Variants in NEGR1 observed in about 807,000 individuals in gnomAD.
NEGR1 encodes the protein neuronal growth regulator 1.
A neutral mutation model predicts 40.9 loss-of-function variants in NEGR1; 10 were observed. That is an observed-to-expected ratio of 0.24 (90% CI 0.15 to 0.42). The LOEUF (loss-of-function observed/expected upper bound fraction) is 0.42, where lower values mean the gene tolerates loss of function less well. Ranked by LOEUF, NEGR1 falls within the 10% of genes least tolerant of loss-of-function variation. The probability of loss-of-function intolerance (pLI) is 1.00; values close to 1 mark genes in which losing one functional copy is unlikely to be tolerated. For synonymous variants in NEGR1, 185 were observed against 166.8 expected (o/e 1.11, Z -0.84); for missense variants, 352 against 438.9 (o/e 0.80, Z 1.77).
intron 6 of NEGR1, among the ~76,000 whole-genome samples, chr1:71,559,510 C>T (rs568598012): frequency 2.0e-5 from 3 of 151,590 alleles, no homozygotes; most frequent in East Asian, 2.0e-4. Flanking sequence ...CATAGAATAA[C>T]GTTCTCTTTT....
intron 1 of NEGR1, among the ~76,000 whole-genome samples, chr1:72,264,874 A>G (rs920059111): frequency 3.0e-4 from 45 of 150,756 alleles, no homozygotes; most frequent in Non-Finnish European, 5.4e-4. Context: ...AATGTACCAA[A>G]GTTTAAGTTT....
chr1:72,007,250 T>C (rs1196076848), intron 1 of NEGR1, among the ~76,000 whole-genome samples: 2 of 152,146 alleles, frequency 1.3e-5, no homozygotes, highest in African/African-American at 4.8e-5. Context: ...CATTTTTAAT[T>C]TTCTTCTATC....
intron 1 of NEGR1, among the ~76,000 whole-genome samples, chr1:71,977,710 T>C (rs1237184018): frequency 1.4e-5 from 2 of 145,114 alleles, no homozygotes; most frequent in African/African-American, 5.2e-5. Context: ...TTTAAAAGAA[T>C]ATTTTCCTTT....
intron 3 of NEGR1, among the ~76,000 whole-genome samples, chr1:71,725,422 G>C (rs907102875): frequency 6.6e-6 from 1 of 152,026 alleles, no homozygotes; most frequent in Non-Finnish European, 1.5e-5. Context: ...ATGCTGATAA[G>C]AGTTAAGGAA....
intron 3 of NEGR1, among the ~76,000 whole-genome samples, chr1:71,700,337 A>G (rs1368979865): frequency 6.6e-6 from 1 of 151,944 alleles, no homozygotes; most frequent in Non-Finnish European, 1.5e-5. Context: ...AAAAACCTAC[A>G]TGCCTTATTT....
intron 1 of NEGR1, among the ~76,000 whole-genome samples, chr1:72,259,060 T>C (rs1655369251): frequency 6.6e-6 from 1 of 152,158 alleles, no homozygotes; most frequent in African/African-American, 2.4e-5. Context: ...ATTTTAAAAT[T>C]ATTTTTGTTC....
At position 71,814,922 on chromosome 1, in the gene NEGR1, C is replaced by G. The variant is rs78035966; in HGVS notation, c.410-38625G>C. Among the ~76,000 whole-genome samples, 413 of 152,116 alleles carry G rather than the reference C, an allele frequency of 2.7e-3. 3 individuals are homozygous for G. The highest frequency in any genetic ancestry group is 9.2e-3 in the African/African-American group (381 of 41,540). On this transcript the variant is annotated intron_variant, in intron 2 of 6. Transcript: ENST00000357731. ...CTTTCTCCTTCAGTTCCACTCTGAT[C>G]TTGGTTACTTCTTGTCTTCTGCTAG...
chr1:71,764,945 T>C (rs1232631110), intron 3 of NEGR1, among the ~76,000 whole-genome samples: 4 of 151,932 alleles, frequency 2.6e-5, no homozygotes, highest in African/African-American at 9.7e-5. Flanking sequence ...GAAAAGTGGA[T>C]TTCATACAAA....
At chr1:72,166,025 A>G (rs1272572022) in intron 1 of NEGR1, among the ~76,000 whole-genome samples, 1 of 152,068 alleles carries the variant, frequency 6.6e-6, no homozygotes, top group Non-Finnish European at 1.5e-5. Flanking sequence ...AGGGCAATGT[A>G]TAGGTAGAAT....
At chr1:72,182,992 C>T (rs1652444256) in intron 1 of NEGR1, among the ~76,000 whole-genome samples, 1 of 152,004 alleles carries the variant, frequency 6.6e-6, no homozygotes, top group African/African-American at 2.4e-5. Flanking sequence ...AGAAGTCATT[C>T]ATCTAAGTAC....
rs1037336706 is a variant in NEGR1, at chr1:72,098,934, T to C, written c.177-163623A>G. Among the ~76,000 whole-genome samples the C allele has an allele frequency of 9.2e-5, 14 of 151,986 alleles. No homozygotes were observed. In the East Asian group the frequency reaches 2.7e-3, roughly 29 times the overall value. On this transcript the variant is annotated intron_variant, in intron 1 of 6. Coordinates refer to ENST00000357731, the MANE Select transcript of NEGR1 (RefSeq NM_173808.3). The stretch of plus-strand genomic sequence containing the variant: ...AAAAAATAAAACTAAAATAAACTTT[T>C]GAGTATGATTAAGCTTATTAACAGA...
rs184050322 is a variant in NEGR1, at chr1:72,073,811, A to T, written c.177-138500T>A. Reference sequence around the variant, plus strand: ...TAAATCATTTTTTTTCCAAAAAAAAATAAAAAACAAGAAGAGACATAAGAA... The same window carrying T: ...TAAATCATTTTTTTTCCAAAAAAAATTAAAAAACAAGAAGAGACATAAGAA... On this transcript the variant is annotated intron_variant, in intron 1 of 6. Coordinates refer to ENST00000357731, the MANE Select transcript of NEGR1 (RefSeq NM_173808.3). Among the ~76,000 whole-genome samples, 882 of 152,122 alleles carry T rather than the reference A, an allele frequency of 5.8e-3. 5 individuals are homozygous for T. The highest frequency in any genetic ancestry group is 0.02 in the African/African-American group (842 of 41,558).
chr1:72,163,622 T>C (rs919388031), intron 1 of NEGR1, among the ~76,000 whole-genome samples: 1 of 152,038 alleles, frequency 6.6e-6, no homozygotes, highest in Non-Finnish European at 1.5e-5. Flanking sequence ...GGTGCCTCCA[T>C]ATAGAAGCCA....
chr1:71,825,475 T>C (rs866714741), intron 2 of NEGR1, among the ~76,000 whole-genome samples: 1 of 151,912 alleles, frequency 6.6e-6, no homozygotes, highest in African/African-American at 2.4e-5. Context: ...AACCACTGGA[T>C]TATGCTCCAG....
chr1:71,592,393 G>A (rs1266100209), intron 6 of NEGR1, among the ~76,000 whole-genome samples: 1 of 151,940 alleles, frequency 6.6e-6, no homozygotes, highest in African/African-American at 2.4e-5. Flanking sequence ...TATGGCTTGT[G>A]AAATTCTGGC....
At chr1:71,706,339 C>T (rs1653899648) in intron 3 of NEGR1, among the ~76,000 whole-genome samples, 1 of 152,106 alleles carries the variant, frequency 6.6e-6, no homozygotes, top group Admixed American at 6.5e-5. Flanking sequence ...AATTTGAGTG[C>T]CTGCAGACCC....
At chr1:71,415,367 C>T (rs1031353371) in intron 6 of NEGR1, among the ~76,000 whole-genome samples, 3 of 151,920 alleles carry the variant, frequency 2.0e-5, no homozygotes, top group Non-Finnish European at 4.4e-5. Flanking sequence ...TTTCTCTGGC[C>T]GACCAGCATC....
chr1:71,601,984 T>C (rs1050761559), intron 5 of NEGR1, among the ~76,000 whole-genome samples: 5 of 152,064 alleles, frequency 3.3e-5, no homozygotes, highest in African/African-American at 7.2e-5. Context: ...TAAATTAAAC[T>C]ACTGCTACAC....
At chr1:71,597,462 C>CTGTGTG (rs1191334873) in intron 5 of NEGR1, among the ~76,000 whole-genome samples, 14 of 30,162 alleles carry the variant, frequency 4.6e-4, no homozygotes, top group South Asian at 3.3e-3. Context: ...CTCTCTCTCT[C>CTGTGTG]TCTCTCTCTC....
Sources: allele counts gnomAD v4.1 joint callset (sites outside exome capture counted in the v4.1 genomes callset), GRCh38; gene constraint gnomAD v4.1.1; transcripts MANE v1.5; gene names NCBI Gene and HGNC (gene_info 2026-07-23, HGNC 2026-07-21).